Variants in BNC2 observed in about 807,000 individuals in gnomAD.
BNC2 encodes the protein zinc finger protein basonuclin-2.
BNC2 carries 20 observed loss-of-function variants against 76.3 expected under a neutral mutation model. That is an observed-to-expected ratio of 0.26 (90% CI 0.18 to 0.38). The LOEUF (loss-of-function observed/expected upper bound fraction) is 0.38, where lower values mean the gene tolerates loss of function less well. Ranked by LOEUF, BNC2 falls within the 10% of genes least tolerant of loss-of-function variation. The pLI, the probability that BNC2 is intolerant of heterozygous loss-of-function variation, is 1.00. For missense variants in BNC2, 1,382 were observed against 1,399.8 expected, an observed-to-expected ratio of 0.99 and a Z score of 0.20; for synonymous variants, 582 against 514.8, an observed-to-expected ratio of 1.13 and a Z score of -1.77.
intron 2 of BNC2, among the ~76,000 whole-genome samples, chr9:16,734,724 G>A (rs1824614510): frequency 6.6e-6 from 1 of 152,110 alleles, no homozygotes; most frequent in Non-Finnish European, 1.5e-5. Flanking sequence ...CCAAGCCCGT[G>A]ACAAAAGAAA....
At chr9:16,623,702 T>C (rs1004766166) in intron 3 of BNC2, among the ~76,000 whole-genome samples, 2 of 152,216 alleles carry the variant, frequency 1.3e-5, no homozygotes, top group Non-Finnish European at 2.9e-5. Context: ...GCTGGATTAA[T>C]TCATAGTTGC....
At chr9:16,809,090 T>C (rs1817982249) in intron 1 of BNC2, among the ~76,000 whole-genome samples, 2 of 152,172 alleles carry the variant, frequency 1.3e-5, no homozygotes, top group African/African-American at 4.8e-5. Context: ...AATTGTTTCA[T>C]ATCAAATTCT....
At chr9:16,725,217 TCACACACACACACA>T (rs4007689) in intron 3 of BNC2, among the ~76,000 whole-genome samples, 1 of 148,162 alleles carries the variant, frequency 6.7e-6, no homozygotes, top group African/African-American at 2.6e-5. Context: ...TCTCTCTCTC[TCACACACACACACA>T]CACACACACA....
At chr9:16,542,195 A>G (rs1463738693) in intron 5 of BNC2, among the ~76,000 whole-genome samples, 1 of 152,174 alleles carries the variant, frequency 6.6e-6, no homozygotes. Flanking sequence ...AAAGTCTTTG[A>G]AAAATGCTTT....
intron 3 of BNC2, among the ~76,000 whole-genome samples, chr9:16,668,315 G>T (rs939996130): frequency 6.6e-6 from 1 of 152,102 alleles, no homozygotes; most frequent in African/African-American, 2.4e-5. Context: ...CTGGCATACC[G>T]CGGGAGCTCG....
In BNC2 at chr9:16,627,570, T is replaced by G. The variant is rs1821033855; in HGVS notation, c.331-44485A>C. ...TGCAAGCCCATTAATGACACCAAAA[T>G]TACTTAAAAGACTAGTCTCTCAATC... On this transcript the variant is annotated intron_variant, in intron 3 of 6. Coordinates refer to ENST00000380672, the MANE Select transcript of BNC2 (RefSeq NM_017637.6). Among the ~76,000 whole-genome samples, 5 of 152,110 alleles carry G rather than the reference T, an allele frequency of 3.3e-5. No individual in the cohort carries two copies. The South Asian group carries it at 1.0e-3, about 32-fold the overall frequency.
chr9:16,777,475 C>A (rs1258525776), intron 1 of BNC2, among the ~76,000 whole-genome samples: 1 of 151,958 alleles, frequency 6.6e-6, no homozygotes, highest in Non-Finnish European at 1.5e-5. Context: ...CCGAGGCAGG[C>A]AGATCACGAG....
chr9:16,533,309 G>C (rs918770778), intron 5 of BNC2, among the ~76,000 whole-genome samples: 1 of 152,150 alleles, frequency 6.6e-6, no homozygotes, highest in Non-Finnish European at 1.5e-5. Flanking sequence ...TAAGTATCAG[G>C]CACACAGGTT....
At chr9:16,751,164 C>T (rs1344417944) in intron 1 of BNC2, among the ~76,000 whole-genome samples, 2 of 149,858 alleles carry the variant, frequency 1.3e-5, no homozygotes, top group Non-Finnish European at 2.9e-5. Flanking sequence ...TAAAACATCA[C>T]TGAAGTCTAA....
At chr9:16,798,080 T>C (rs1038257569) in intron 1 of BNC2, among the ~76,000 whole-genome samples, 1 of 152,210 alleles carries the variant, frequency 6.6e-6, no homozygotes, top group African/African-American at 2.4e-5. Context: ...ATCCCTTTTG[T>C]TGATCTGGAA....
intron 2 of BNC2, among the ~76,000 whole-genome samples, chr9:16,732,060 T>A (rs1414664039): frequency 6.6e-6 from 1 of 151,424 alleles, no homozygotes; most frequent in East Asian, 1.9e-4. Flanking sequence ...TCTTGTTAGC[T>A]CTGTAAGCAA....
intron 3 of BNC2, among the ~76,000 whole-genome samples, chr9:16,691,976 A>G (rs966285460): frequency 6.6e-6 from 1 of 151,448 alleles, no homozygotes; most frequent in African/African-American, 2.4e-5. Flanking sequence ...ATGCCTGGCT[A>G]ATTTTTGTAC....
At chr9:16,710,098 A>G (rs1823792438) in intron 3 of BNC2, among the ~76,000 whole-genome samples, 1 of 149,812 alleles carries the variant, frequency 6.7e-6, no homozygotes, top group Non-Finnish European at 1.5e-5. Context: ...TGAGATGCTA[A>G]ACATGATGGG....
chr9:16,540,009 TC>T (rs1818269258), intron 5 of BNC2, among the ~76,000 whole-genome samples: 2 of 152,230 alleles, frequency 1.3e-5, no homozygotes, highest in African/African-American at 4.8e-5. Context: ...AAACTTCTAT[TC>T]ACCACCTGTA....
At chr9:16,569,489 AAC>A (rs1819259735) in intron 4 of BNC2, among the ~76,000 whole-genome samples, 1 of 152,124 alleles carries the variant, frequency 6.6e-6, no homozygotes, top group African/African-American at 2.4e-5. Context: ...CAATATTTCA[AAC>A]TGAATGGCAT....
chr9:16,543,634 AT>A (rs1312029562), intron 5 of BNC2, among the ~76,000 whole-genome samples: 5 of 152,124 alleles, frequency 3.3e-5, no homozygotes, highest in African/African-American at 1.2e-4. Context: ...AGGGAGGAAT[AT>A]TTTCATTTTA....
chr9:16,595,881 C>A (rs1004103501), intron 3 of BNC2, among the ~76,000 whole-genome samples: 1 of 151,898 alleles, frequency 6.6e-6, no homozygotes, highest in Non-Finnish European at 1.5e-5. Flanking sequence ...GAAATAAATA[C>A]AAAGCCTTGT....
At chr9:16,815,689 C>G (rs1394946777) in intron 1 of BNC2, among the ~76,000 whole-genome samples, 1 of 152,202 alleles carries the variant, frequency 6.6e-6, no homozygotes, top group East Asian at 1.9e-4. Context: ...GCCTAAACTT[C>G]CTGCTATATC....
intron 3 of BNC2, among the ~76,000 whole-genome samples, chr9:16,677,578 A>AACACACACACACACACAC (rs57587457): frequency 0.11 from 15,176 of 139,020 alleles, 993 homozygotes; most frequent in Admixed American, 0.19. Context: ...GTCTCAAACA[A>AACACACACACACACACAC]ACACACACAC....
Sources: gnomAD v4.1 joint callset for allele counts (sites outside exome capture counted in the v4.1 genomes callset) on GRCh38, gnomAD v4.1.1 for gene constraint, MANE v1.5 for transcripts, NCBI Gene and HGNC (gene_info 2026-07-23, HGNC 2026-07-21) for gene names.